The following BRD10 variants were observed in gnomAD, a reference collection of about 807,000 sequenced individuals.
BRD10 encodes bromodomain containing 10, also known as uncharacterized bromodomain-containing protein 10.
chr9:5,930,850 A>G, the BRD10 span, among the ~76,000 whole-genome samples: 1 of 152,262 alleles, frequency 6.6e-6, no homozygotes, highest in African/African-American at 2.4e-5. Context: ...CCATGAACAC[A>G]AAACTATTAA....
the BRD10 span, among the ~76,000 whole-genome samples, chr9:5,987,258 C>T: frequency 2.0e-5 from 3 of 152,094 alleles, no homozygotes; most frequent in African/African-American, 7.2e-5. Flanking sequence ...TCTCCCTATA[C>T]CAAGGAAGAT....
At chr9:5,897,341 G>A in the BRD10 span, among the ~76,000 whole-genome samples, 1 of 152,180 alleles carries the variant, frequency 6.6e-6, no homozygotes, top group Admixed American at 6.5e-5. Flanking sequence ...AGTTCCTGTG[G>A]GCACACACTT....
At chr9:5,954,684 C>G in the BRD10 span, among the ~76,000 whole-genome samples, 7 of 152,298 alleles carry the variant, frequency 4.6e-5, no homozygotes, top group African/African-American at 1.7e-4. Flanking sequence ...TTTGTGGAAT[C>G]AGAAACCACT....
chr9:5,968,372 C>T, the BRD10 span: 9 of 1,610,590 alleles, frequency 5.6e-6, no homozygotes, highest in East Asian at 2.2e-5. Flanking sequence ...GGAAGCTTCA[C>T]CGTATTTTTC....
chr9:5,880,791 G>A, the BRD10 span, among the ~76,000 whole-genome samples: 2 of 149,050 alleles, frequency 1.3e-5, no homozygotes, highest in African/African-American at 4.9e-5. Context: ...TGCAACCTCC[G>A]CTTCCCAGGC....
At chr9:5,914,700 G>C in the BRD10 span, among the ~76,000 whole-genome samples, 5 of 152,036 alleles carry the variant, frequency 3.3e-5, no homozygotes, top group South Asian at 1.0e-3. Context: ...TGGGATTACA[G>C]GTGTGAGCCA....
At chr9:5,973,725 A>T in the BRD10 span, among the ~76,000 whole-genome samples, 11 of 151,702 alleles carry the variant, frequency 7.3e-5, no homozygotes, top group Admixed American at 4.6e-4. Context: ...TTCATCTCTT[A>T]AAAAAAACGG....
chr9:5,944,736 G>T, the BRD10 span: 1 of 508,920 alleles, frequency 2.0e-6, no homozygotes, highest in Non-Finnish European at 3.5e-6. Context: ...AGAAATAAAA[G>T]AAACAATGTT....
chr9:5,957,563 G>C, the BRD10 span, among the ~76,000 whole-genome samples: 1 of 152,024 alleles, frequency 6.6e-6, no homozygotes, highest in Non-Finnish European at 1.5e-5. Flanking sequence ...TGTGAAATTA[G>C]GTCTGTCTCA....
At chr9:5,886,007 G>C in the BRD10 span, among the ~76,000 whole-genome samples, 6 of 152,226 alleles carry the variant, frequency 3.9e-5, no homozygotes, top group Non-Finnish European at 7.3e-5. Context: ...CCAGGGGCTT[G>C]TAGCCTTCCC....
the BRD10 span, chr9:6,007,447 T>A: frequency 1.9e-6 from 3 of 1,607,446 alleles, no homozygotes; most frequent in Non-Finnish European, 1.7e-6. Flanking sequence ...TTCCGCCACC[T>A]CCTCCTCCGC....
chr9:5,916,369 T>C, the BRD10 span, among the ~76,000 whole-genome samples: 1 of 152,282 alleles, frequency 6.6e-6, no homozygotes, highest in East Asian at 1.9e-4. Context: ...TTAGTGTACA[T>C]ATTCTAGCTA....
chr9:5,959,981 T>C, the BRD10 span, among the ~76,000 whole-genome samples: 1 of 152,206 alleles, frequency 6.6e-6, no homozygotes, highest in African/African-American at 2.4e-5. Flanking sequence ...CACTTAATTA[T>C]ACCTCTATGC....
At chr9:5,920,514 A>C in the BRD10 span, 1 of 1,613,980 alleles carries the variant, frequency 6.2e-7, no homozygotes, top group Admixed American at 1.7e-5. Context: ...TTTGGCAGAG[A>C]AGCAAAATTG....
the BRD10 span, among the ~76,000 whole-genome samples, chr9:5,931,865 G>A: frequency 7.9e-5 from 12 of 152,116 alleles, no homozygotes; most frequent in African/African-American, 2.9e-4. Flanking sequence ...GCATGCAGAG[G>A]TTTAAAAAAG....
At chr9:5,897,891 G>T in the BRD10 span, among the ~76,000 whole-genome samples, 1 of 152,170 alleles carries the variant, frequency 6.6e-6, no homozygotes, top group African/African-American at 2.4e-5. Flanking sequence ...AACATAATAC[G>T]AGAGACTGTA....
the BRD10 span, among the ~76,000 whole-genome samples, chr9:5,960,562 C>T: frequency 8.2e-6 from 1 of 122,384 alleles, no homozygotes; most frequent in Admixed American, 8.2e-5. Flanking sequence ...GACTCTGTCT[C>T]AAAAAAAAAA....
chr9:5,922,493 G>A, the BRD10 span: 1 of 1,614,014 alleles, frequency 6.2e-7, no homozygotes, highest in South Asian at 1.1e-5. Context: ...TTTGTTGAAA[G>A]CTGTATTTGG....
the BRD10 span, among the ~76,000 whole-genome samples, chr9:5,933,438 T>A: frequency 1.3e-5 from 2 of 152,208 alleles, 1 homozygote. Context: ...AATTTGAAGC[T>A]TACCTTTCAT....
Sources: gnomAD v4.1 joint callset for allele counts (sites outside exome capture counted in the v4.1 genomes callset) on GRCh38, gnomAD v4.1.1 for gene constraint, MANE v1.5 for transcripts, NCBI Gene and HGNC (gene_info 2026-07-23, HGNC 2026-07-21) for gene names.